The following TCF4 variants were observed in gnomAD, a reference collection of about 807,000 sequenced individuals.
TCF4 encodes SL3-3 enhancer factor 2.
TCF4 carries 3 observed loss-of-function variants against 82.1 expected under a neutral mutation model. That is an observed-to-expected ratio of 0.04 (90% CI 0.02 to 0.09). The LOEUF (loss-of-function observed/expected upper bound fraction) is 0.09, where lower values mean the gene tolerates loss of function less well. Among genes scored for constraint, TCF4 ranks in the 10% least tolerant of loss-of-function variants. The pLI is 1.00. For synonymous variants in TCF4, 276 were observed against 309.6 expected (o/e 0.89, Z 1.14); for missense variants, 518 against 852.7 (o/e 0.61, Z 4.89).
At chr18:55,557,043 C>T (rs1363273253) in intron 3 of TCF4, among the ~76,000 whole-genome samples, 2 of 152,152 alleles carry the variant, frequency 1.3e-5, no homozygotes, top group South Asian at 4.1e-4. Flanking sequence ...TTTTGCTATA[C>T]CCATCTCCTA....
At chr18:55,263,600 T>G (rs544450927) in intron 11 of TCF4, among the ~76,000 whole-genome samples, 1 of 152,088 alleles carries the variant, frequency 6.6e-6, no homozygotes, top group African/African-American at 2.4e-5. Flanking sequence ...GGATCAAAAC[T>G]CTGCCTCAAA....
At chr18:55,342,927 C>G (rs909861056) in intron 8 of TCF4, among the ~76,000 whole-genome samples, 2 of 151,994 alleles carry the variant, frequency 1.3e-5, no homozygotes, top group Non-Finnish European at 2.9e-5. Flanking sequence ...CTGTGCCAAT[C>G]GGTAGAATGA....
chr18:55,299,746 C>G (rs1473434604), intron 8 of TCF4, among the ~76,000 whole-genome samples: 1 of 152,066 alleles, frequency 6.6e-6, no homozygotes, highest in African/African-American at 2.4e-5. Context: ...CTATAATGTT[C>G]TTTTCTCCTC....
intron 8 of TCF4, among the ~76,000 whole-genome samples, chr18:55,334,891 T>C (rs1248165280): frequency 6.6e-6 from 1 of 152,184 alleles, no homozygotes; most frequent in African/African-American, 2.4e-5. Context: ...TCCTGACAAA[T>C]TATTCAGATC....
intron 2 of TCF4, among the ~76,000 whole-genome samples, chr18:55,624,877 C>A (rs1334455901): frequency 6.6e-6 from 1 of 152,172 alleles, no homozygotes; most frequent in African/African-American, 2.4e-5. Context: ...TACCTCTCTG[C>A]AACATGCCAC....
chr18:55,309,786 C>A (rs919644802), intron 8 of TCF4, among the ~76,000 whole-genome samples: 8 of 152,012 alleles, frequency 5.3e-5, no homozygotes, highest in Admixed American at 5.2e-4. Flanking sequence ...TATTGTTCTA[C>A]AATTATTCAG....
At chr18:55,564,389 G>A (rs2097382850) in intron 3 of TCF4, among the ~76,000 whole-genome samples, 1 of 152,222 alleles carries the variant, frequency 6.6e-6, no homozygotes, top group Non-Finnish European at 1.5e-5. Flanking sequence ...TCTGGTTGCT[G>A]TGAAATATGG....
intron 15 of TCF4, among the ~76,000 whole-genome samples, chr18:55,247,112 G>T (rs532421133): frequency 6.6e-6 from 1 of 152,166 alleles, no homozygotes; most frequent in Non-Finnish European, 1.5e-5. Context: ...TGGGCCATAC[G>T]GTGTATAAGG....
intron 3 of TCF4, among the ~76,000 whole-genome samples, chr18:55,536,950 T>C (rs1034151631): frequency 2.0e-5 from 3 of 150,764 alleles, no homozygotes; most frequent in South Asian, 2.1e-4. Context: ...CTGGCTAACA[T>C]GGTGAAACCC....
chr18:55,402,013 G>A, intron 6 of TCF4: 1 of 984,156 alleles, frequency 1.0e-6, no homozygotes, highest in Non-Finnish European at 1.2e-6. Flanking sequence ...AGCACTCAGA[G>A]GCTTGTCGCC....
intron 6 of TCF4, among the ~76,000 whole-genome samples, chr18:55,384,827 G>T (rs1421547881): frequency 2.0e-5 from 3 of 152,050 alleles, no homozygotes; most frequent in Non-Finnish European, 4.4e-5. Context: ...TCAGTGGATG[G>T]GGATGGAATG....
intron 15 of TCF4, among the ~76,000 whole-genome samples, chr18:55,253,762 C>A (rs1006937060): frequency 3.3e-5 from 5 of 151,856 alleles, no homozygotes; most frequent in African/African-American, 1.2e-4. Flanking sequence ...TTGACAGACA[C>A]TATTTTGGCT....
At chr18:55,401,295 C>T in intron 6 of TCF4, 2 of 1,188,546 alleles carry the variant, frequency 1.7e-6, no homozygotes, top group Non-Finnish European at 1.1e-6. Flanking sequence ...CCTAAGTAAT[C>T]ACACTGTTTA....
chr18:55,394,386 C>T (rs1276690192), intron 6 of TCF4, among the ~76,000 whole-genome samples: 1 of 152,050 alleles, frequency 6.6e-6, no homozygotes, highest in Non-Finnish European at 1.5e-5. Context: ...ATAAACATGG[C>T]TTTGAGGTAG....
intron 17 of TCF4, chr18:55,232,223 A>G (rs535043423): frequency 7.9e-5 from 27 of 343,062 alleles, no homozygotes; most frequent in Middle Eastern, 1.7e-3. Flanking sequence ...AATTTGTAGA[A>G]TAAGTATAGT....
chr18:55,487,864 G>T (rs1438884458), intron 3 of TCF4, among the ~76,000 whole-genome samples: 1 of 151,888 alleles, frequency 6.6e-6, no homozygotes, highest in Non-Finnish European at 1.5e-5. Flanking sequence ...TTTACCCAAG[G>T]GATTGTATAC....
chr18:55,434,753 C>T (rs4801154), intron 5 of TCF4, among the ~76,000 whole-genome samples: 35,533 of 97,878 alleles, frequency 0.36, 4,774 homozygotes, highest in East Asian at 0.61. Context: ...CTGATCACCT[C>T]TCAAGTATTC....
Position 55,238,626 on chromosome 18 carries a change from T to C in TCF4, c.1351-3943A>G, listed in dbSNP as rs1292875085. Among the ~76,000 whole-genome samples, 2 of 152,204 alleles carry C rather than the reference T, an allele frequency of 1.3e-5. 1 individual carries two copies. Among genetic ancestry groups the C allele is most frequent in the Non-Finnish European group, 2.9e-5 (2 of 68,034 alleles). On this transcript the variant is annotated intron_variant, in intron 15 of 19. Transcript: ENST00000354452. ...TTTATCATAAATAGTTTTCTGTAGC[T>C]TAGGTTTTGGACTCAGAGAGCTCTT...
chr18:55,444,436 C>A (rs976766100), intron 5 of TCF4, among the ~76,000 whole-genome samples: 3 of 152,118 alleles, frequency 2.0e-5, no homozygotes, highest in Non-Finnish European at 2.9e-5. Flanking sequence ...ACCGGGAATA[C>A]AAGGTGTGAT....
Sources: allele counts gnomAD v4.1 joint callset (sites outside exome capture counted in the v4.1 genomes callset), GRCh38; gene constraint gnomAD v4.1.1; transcripts MANE v1.5; gene names NCBI Gene and HGNC (gene_info 2026-07-23, HGNC 2026-07-21).